The following SLC4A10 variants were observed in gnomAD, a reference collection of about 807,000 sequenced individuals.
SLC4A10 encodes the protein solute carrier family 4 member 10.
In SLC4A10, 42 loss-of-function variants were observed where a neutral mutation model predicts 137.7. The ratio of observed to expected loss-of-function variants is 0.30; its 90% CI spans 0.24 to 0.39. SLC4A10 has a LOEUF of 0.39. Ranked by LOEUF, SLC4A10 falls within the 10% of genes least tolerant of loss-of-function variation. The probability of loss-of-function intolerance (pLI) is 1.00; values close to 1 mark genes in which losing one functional copy is unlikely to be tolerated. For missense variants in SLC4A10, 925 were observed against 1,355.0 expected (o/e 0.68, Z 4.98); for synonymous variants, 474 against 464.1 (o/e 1.02, Z -0.27).
intron 1 of SLC4A10, among the ~76,000 whole-genome samples, chr2:161,752,555 T>A (rs1277348071): frequency 6.6e-6 from 1 of 152,060 alleles, no homozygotes; most frequent in Non-Finnish European, 1.5e-5. Context: ...TATAATTCTA[T>A]GCTCATTGCA....
intron 3 of SLC4A10, among the ~76,000 whole-genome samples, chr2:161,819,269 C>A (rs1442245407): frequency 5.9e-5 from 9 of 151,974 alleles, no homozygotes; most frequent in Non-Finnish European, 8.8e-5. Flanking sequence ...GGCTGTGATT[C>A]CTAGGTGAGT....
At chr2:161,769,730 G>T (rs116640398) in intron 1 of SLC4A10, among the ~76,000 whole-genome samples, 1 of 151,588 alleles carries the variant, frequency 6.6e-6, no homozygotes, top group Non-Finnish European at 1.5e-5. Flanking sequence ...CTTCATGTGC[G>T]CTATTTATAA....
chr2:161,875,402 G>GA (rs745621691), intron 8 of SLC4A10, among the ~76,000 whole-genome samples: 13 of 151,500 alleles, frequency 8.6e-5, no homozygotes, highest in Non-Finnish European at 5.9e-5. Context: ...GAGGTGTTAA[G>GA]AAAAAAAAGG....
At chr2:161,712,433 G>C (rs940101125) in intron 1 of SLC4A10, among the ~76,000 whole-genome samples, 1 of 151,548 alleles carries the variant, frequency 6.6e-6, no homozygotes, top group Non-Finnish European at 1.5e-5. Context: ...AATAATAGGG[G>C]CAAATTTACC....
intron 21 of SLC4A10, among the ~76,000 whole-genome samples, chr2:161,961,351 TC>T (rs1696678088): frequency 6.6e-6 from 1 of 152,194 alleles, no homozygotes. Context: ...GACTGACTCT[TC>T]ATCCTGACAC....
rs1574175262 is a variant in SLC4A10, at chr2:161,660,616, CTTTCTTT to C, written c.48+36051_48+36057del. 4.8e-5 allele frequency among the ~76,000 whole-genome samples: 7 copies of C among 146,208 alleles called. No individual in the cohort carries two copies. The East Asian group carries it at 1.2e-3, about 25-fold the overall frequency. ...TCTTTCTTTCTTTCTTTCTTTCTTT[CTTTCTTT>C]CTTCCTTTCCTTCTTTCCTTCTTTC... On this transcript the variant is annotated intron_variant, in intron 1 of 26. Coordinates refer to ENST00000446997, the MANE Select transcript of SLC4A10 (RefSeq NM_001178015.2).
At chr2:161,895,739 T>C (rs2063414445) in intron 11 of SLC4A10, among the ~76,000 whole-genome samples, 1 of 152,234 alleles carries the variant, frequency 6.6e-6, no homozygotes, top group South Asian at 2.1e-4. Flanking sequence ...TCATATCCTT[T>C]GCCCACTTTT....
At chr2:161,878,251 C>T (rs981838059) in intron 8 of SLC4A10, among the ~76,000 whole-genome samples, 1 of 152,050 alleles carries the variant, frequency 6.6e-6, no homozygotes, top group Non-Finnish European at 1.5e-5. Flanking sequence ...AATTCTTACT[C>T]CCCTAAAAAC....
intron 11 of SLC4A10, among the ~76,000 whole-genome samples, chr2:161,899,748 T>G (rs1682613433): frequency 6.6e-6 from 1 of 152,100 alleles, no homozygotes; most frequent in Non-Finnish European, 1.5e-5. Context: ...TGAGGGAAAC[T>G]CTTAAATCCC....
intron 12 of SLC4A10, chr2:161,902,161 C>T (rs1489818273): frequency 9.0e-6 from 4 of 446,338 alleles, no homozygotes; most frequent in Non-Finnish European, 1.8e-5. Flanking sequence ...TTGCACTGTT[C>T]TCTGTAATGA....
At chr2:161,790,785 A>G (rs1242866214) in intron 2 of SLC4A10, among the ~76,000 whole-genome samples, 1 of 152,196 alleles carries the variant, frequency 6.6e-6, no homozygotes, top group Non-Finnish European at 1.5e-5. Flanking sequence ...CTTCAATAAT[A>G]GAATTTACTT....
intron 1 of SLC4A10, among the ~76,000 whole-genome samples, chr2:161,759,132 G>C (rs1238962041): frequency 3.3e-5 from 5 of 151,504 alleles, no homozygotes; most frequent in East Asian, 1.9e-4. Context: ...CTTTAACAAG[G>C]GTGTCTTGGT....
chr2:161,625,284 AT>A (rs1254326174), intron 1 of SLC4A10, among the ~76,000 whole-genome samples: 1 of 151,884 alleles, frequency 6.6e-6, no homozygotes, highest in Non-Finnish European at 1.5e-5. Flanking sequence ...CCTACATTTA[AT>A]TTTTGTGTAA....
At chr2:161,980,464 C>A (rs1446379128) in intron 26 of SLC4A10, among the ~76,000 whole-genome samples, 1 of 152,156 alleles carries the variant, frequency 6.6e-6, no homozygotes, top group East Asian at 1.9e-4. Context: ...GCCTGGCCAA[C>A]ATGGTGAAAC....
intron 1 of SLC4A10, among the ~76,000 whole-genome samples, chr2:161,663,276 C>T (rs762947290): frequency 1.3e-5 from 2 of 152,050 alleles, no homozygotes; most frequent in African/African-American, 2.4e-5. Context: ...ACCAAACACA[C>T]AAAAAACAAA....
intron 1 of SLC4A10, among the ~76,000 whole-genome samples, chr2:161,685,263 A>C (rs775853207): frequency 5.9e-5 from 9 of 152,158 alleles, no homozygotes; most frequent in Non-Finnish European, 1.0e-4. Context: ...TACATATGTC[A>C]TCTCATATCC....
intron 1 of SLC4A10, among the ~76,000 whole-genome samples, chr2:161,738,006 A>G (rs1462009782): frequency 6.6e-6 from 1 of 152,172 alleles, no homozygotes; most frequent in African/African-American, 2.4e-5. Context: ...GATCCAGGTC[A>G]GTTAGTTTTC....
chr2:161,769,025 T>G (rs1156299319), intron 1 of SLC4A10, among the ~76,000 whole-genome samples: 2 of 151,992 alleles, frequency 1.3e-5, no homozygotes, highest in African/African-American at 4.8e-5. Flanking sequence ...ATAAATCTAC[T>G]CTAACATTTC....
At position 161,643,956 on chromosome 2, in the gene SLC4A10, A is replaced by G. The variant is rs573617053; in HGVS notation, c.48+19390A>G. Among the ~76,000 whole-genome samples the G allele has an allele frequency of 2.1e-4, 32 of 152,218 alleles. No individual in the cohort carries two copies. In the South Asian group the frequency reaches 6.4e-3, roughly 31 times the overall value. ...TCCAAATAAGAGGATTTAGGATGGT[A>G]TAATTCATGATTATGATGGCAGCAC... is the stretch of plus-strand genomic sequence containing the variant. On this transcript the variant is annotated intron_variant, in intron 1 of 26. Transcript: ENST00000446997.
Sources: gnomAD v4.1 joint callset for allele counts (sites outside exome capture counted in the v4.1 genomes callset) on GRCh38, gnomAD v4.1.1 for gene constraint, MANE v1.5 for transcripts, NCBI Gene and HGNC (gene_info 2026-07-23, HGNC 2026-07-21) for gene names.